The following ACADVL variants were observed in gnomAD, a reference collection of about 807,000 sequenced individuals.
The protein encoded by ACADVL is very long-chain acyl-CoA dehydrogenase, mitochondrial.
A neutral mutation model predicts 80.4 loss-of-function variants in ACADVL; 73 were observed. The ratio of observed to expected loss-of-function variants is 0.91; its 90% CI spans 0.75 to 1.10. ACADVL has a LOEUF of 1.10. Among genes scored for constraint, ACADVL ranks in the 50% least tolerant of loss-of-function variants. ACADVL has a pLI of 0.00. For synonymous variants in ACADVL, 392 were observed against 326.5 expected, an observed-to-expected ratio of 1.20 and a Z score of -2.16; for missense variants, 878 against 858.9, an observed-to-expected ratio of 1.02 and a Z score of -0.28.
Position 7,220,907 on chromosome 17 carries a change from T to C in ACADVL, c.343-17T>C. Reference sequence around the variant, plus strand: ...GCTCAAAAGGAGCCTGGATGTGGGATCCTGTGCCTTCCCCAGGAAGTGAAC... The same window carrying C: ...GCTCAAAAGGAGCCTGGATGTGGGACCCTGTGCCTTCCCCAGGAAGTGAAC... On this transcript the variant is annotated splice_polypyrimidine_tract_variant and intron_variant, in intron 5 of 19. Transcript: ENST00000356839. 6.2e-7 allele frequency: 1 copy of C among 1,614,052 alleles called. No homozygotes were observed. Among genetic ancestry groups the C allele is most frequent in the East Asian group, 2.2e-5 (1 of 44,878 alleles).
upstream of ACADVL, chr17:7,219,381 C>T: frequency 9.9e-7 from 1 of 1,012,344 alleles, no homozygotes; most frequent in Non-Finnish European, 1.2e-6. Flanking sequence ...AAGGGAGGGG[C>T]AGTGAATCTG....
chr17:7,224,761 T>C (rs1426201902), intron 18 of ACADVL, 47 bp downstream of exon 18: 1 of 1,613,296 alleles, frequency 6.2e-7, no homozygotes, highest in Non-Finnish European at 8.5e-7. Flanking sequence ...GGCCTGGGCC[T>C]GGATCCCAGC....
chr17:7,220,411 C>T (rs530515395), intron 2 of ACADVL, 53 bp from the exon 3 acceptor site: 4 of 1,611,520 alleles, frequency 2.5e-6, no homozygotes, highest in Middle Eastern at 1.7e-4. Flanking sequence ...CTGTTCTCCC[C>T]TTGACACAGC....
intron 11 of ACADVL, 73 bp downstream of exon 11, chr17:7,223,310 A>C (rs781086398): frequency 7.2e-7 from 1 of 1,380,316 alleles, no homozygotes; most frequent in Non-Finnish European, 1.0e-6. Context: ...TACAACCCCC[A>C]GCAGCACCTG....
At position 7,224,166 on chromosome 17, in the gene ACADVL, TG is replaced by T; in HGVS notation, c.1458del (p.Gly488AlafsTer4). The stretch of plus-strand genomic sequence containing the variant: ...CATAGGACAAAGGAAAGGAGCTCTC[TG>T]GGCTTGGCAGTGCTCTAAAGAATCC... ...GCMDKGKELS[G>X]LGSALKNPFG... On this transcript the variant is annotated frameshift_variant, in exon 15 of 20. Transcript: ENST00000356839. LOFTEE classifies it high-confidence loss of function. 6.2e-7 allele frequency: 1 copy of T among 1,614,158 alleles called. No homozygotes were observed. The highest frequency in any genetic ancestry group is 8.5e-7 in the Non-Finnish European group (1 of 1,180,028).
chr17:7,224,485 A>G lies in ACADVL; in HGVS notation c.1611A>G (p.Val537=), dbSNP rs753741922. The G allele has an allele frequency of 1.2e-6, 2 of 1,613,846 alleles. No individual in the cohort carries two copies. Among genetic ancestry groups the G allele is most frequent in the South Asian group, 1.1e-5 (1 of 91,072 alleles). The change falls in exon 17 of 20, where the codon GTA becomes GTG. Residue 537 remains valine (V), a synonymous_variant. Transcript: ENST00000356839. ...CACTGTCCCCATCTCTTAAGGCAGT[A>G]CGGGCTCTGGAGCAGTTTGCCACTG... ...PELSRSGELA[V]RALEQFATVV...
chr17:7,222,679 G>A lies in ACADVL; in HGVS notation c.891G>A (p.Glu297=). 1 of 1,613,814 alleles carries A rather than the reference G, an allele frequency of 6.2e-7. No homozygotes were observed. Among genetic ancestry groups the A allele is most frequent in the Non-Finnish European group, 8.5e-7 (1 of 1,179,858 alleles). ...TGCCCTGACACAGTGGGCCCCCTGA[G>A]AAGAAGATGGGCATCAAGGCTTCAA... ...GFGGITHGPP[E]KKMGIKASNT... is the part of the protein sequence containing the mutation. The change falls in exon 10 of 20, where the codon GAG becomes GAA. Residue 297 remains glutamate, a synonymous_variant. Coordinates refer to ENST00000356839, the MANE Select transcript of ACADVL (RefSeq NM_000018.4).
upstream of ACADVL, chr17:7,217,540 G>A (rs535410718): frequency 3.6e-5 from 25 of 686,634 alleles, no homozygotes; most frequent in African/African-American, 5.4e-4. Context: ...AGGGGCTAGG[G>A]GCCGTGGCGG....
rs1244500033 is a variant in ACADVL, at chr17:7,222,028, G to A, written c.699G>A (p.Val233=). The A allele has an allele frequency of 2.5e-6, 4 of 1,614,022 alleles. No individual in the cohort carries two copies. The highest frequency in any genetic ancestry group is 2.2e-5 in the East Asian group (1 of 44,884). ...CAGCCTCCATCCGAACCTCTGCTGT[G>A]CCCAGCCCCTGTGGAAAATACTATA... ...SDAASIRTSA[V]PSPCGKYYTL... Residue 233 remains valine (V), a synonymous_variant, in exon 8 of 20, where the codon GTG becomes GTA. Transcript: ENST00000356839.
chr17:7,218,186 C>G, upstream of ACADVL: 1 of 1,500,792 alleles, frequency 6.7e-7, no homozygotes, highest in South Asian at 1.2e-5. Flanking sequence ...TTTGGCTCAC[C>G]CCTCCAGCCC....
chr17:7,224,775 C>G, intron 18 of ACADVL, 34 bp from the exon 19 acceptor site: 1 of 1,613,848 alleles, frequency 6.2e-7, no homozygotes, highest in Non-Finnish European at 8.5e-7. Context: ...TCCCAGCCGG[C>G]CCAGATTTAT....
At chr17:7,221,755 T>TA (rs1359581978) in intron 7 of ACADVL, 73 bp downstream of exon 7, 3 of 1,608,520 alleles carry the variant, frequency 1.9e-6, no homozygotes, top group African/African-American at 1.3e-5. Flanking sequence ...AGTTGGCACT[T>TA]AGATTATCAG....
Position 7,224,413 on chromosome 17 carries a change from G to C in ACADVL, c.1605+20G>C, listed in dbSNP as rs758440252. ...GAGCTGGTAAGTGGCCAGGGGTCCA[G>C]GAGAGCCTGCATCAGGGACTGCAGC... On this transcript the variant is annotated intron_variant, in intron 16 of 19. Transcript: ENST00000356839. The C allele has an allele frequency of 6.2e-7, 1 of 1,613,804 alleles. No homozygotes were observed. The highest frequency in any genetic ancestry group is 2.2e-5 in the East Asian group (1 of 44,884).
upstream of ACADVL, chr17:7,219,504 T>C: frequency 9.4e-7 from 1 of 1,063,818 alleles, no homozygotes; most frequent in Non-Finnish European, 1.1e-6. Flanking sequence ...CCCCCACCAC[T>C]GTACCCTCCC....
rs890165294 is a variant in ACADVL at position 7,220,929 on chromosome 17, G to T, written c.348G>T (p.Val116=). ...VEPVSRFFEE[V]NDPAKNDALE... is the part of the protein sequence containing the mutation. Reference sequence around the variant, plus strand: ...GGATCCTGTGCCTTCCCCAGGAAGTGAACGATCCCGCCAAGAATGACGCTC... The same window carrying T: ...GGATCCTGTGCCTTCCCCAGGAAGTTAACGATCCCGCCAAGAATGACGCTC... Residue 116 remains valine, a synonymous_variant, in exon 6 of 20, where the codon GTG becomes GTT. Transcript: ENST00000356839. 1.2e-6 allele frequency: 2 copies of T among 1,614,092 alleles called. No individual in the cohort carries two copies. The highest frequency in any genetic ancestry group is 1.3e-5 in the African/African-American group (1 of 75,046).
intron 11 of ACADVL, 54 bp downstream of exon 11, chr17:7,223,291 G>A (rs544673520): frequency 1.8e-5 from 27 of 1,508,914 alleles, no homozygotes; most frequent in South Asian, 6.8e-5. Flanking sequence ...CTTCCCAGTC[G>A]GGTCAGACTA....
chr17:7,223,798 G>C lies in ACADVL; in HGVS notation c.1270-15G>C, dbSNP rs2071344110. On this transcript the variant is annotated splice_polypyrimidine_tract_variant and intron_variant, in intron 12 of 19. Transcript: ENST00000356839. ...TCAGCTCCCAAAACCAGTCTCATCT[G>C]TTCTTTGTCCCTAGGAGGCAGCCTG... The C allele has an allele frequency of 6.2e-7, 1 of 1,614,178 alleles. No individual in the cohort carries two copies. Among genetic ancestry groups the C allele is most frequent in the Non-Finnish European group, 8.5e-7 (1 of 1,180,028 alleles).
At position 7,224,005 on chromosome 17, in the gene ACADVL, T is replaced by C. The variant is rs1392710608; in HGVS notation, c.1370T>C (p.Ile457Thr). 9 of 1,614,164 alleles carry C rather than the reference T, an allele frequency of 5.6e-6. No homozygotes were observed. Among genetic ancestry groups the C allele is most frequent in the Non-Finnish European group, 7.6e-6 (9 of 1,180,024 alleles). Residue 457 changes from isoleucine (I) to threonine (T), a missense_variant, in exon 14 of 20, where the codon ATC becomes ACC. Physicochemically the swap from Ile to Thr is moderately conservative, Grantham distance 89 (BLOSUM62 -1). Transcript: ENST00000356839. Reference protein sequence around the residue: ...GVERVLRDLRIFRIFEGTNDI... With the variant: ...GVERVLRDLRTFRIFEGTNDI... ...GAGCGTGTGCTCCGAGATCTTCGCATCTTCCGGATCTTTGAGGGGACAAAT... is the reference window on the plus strand; with the variant it reads ...GAGCGTGTGCTCCGAGATCTTCGCACCTTCCGGATCTTTGAGGGGACAAAT...
chr17:7,221,966 G>A lies in ACADVL; in HGVS notation c.637G>A (p.Ala213Thr), dbSNP rs140629318. ...PKLASGETVA[A>T]FCLTEPSSGS... ...CTCCCCAACAGGGGAGACTGTGGCC[G>A]CTTTCTGTCTAACCGAGCCCTCAAG... The change falls in exon 8 of 20, where the codon GCT (alanine) becomes ACT (threonine). Residue 213 changes from alanine to threonine, a missense_variant. Physicochemically the swap from Ala to Thr is moderately conservative, Grantham distance 58. Transcript: ENST00000356839. 17 of 1,614,092 alleles carry A rather than the reference G, an allele frequency of 1.1e-5. No individual in the cohort carries two copies. The highest frequency in any genetic ancestry group is 3.3e-5 in the Admixed American group (2 of 60,016).
Sources: gnomAD v4.1 joint callset for allele counts on GRCh38, gnomAD v4.1.1 for gene constraint, MANE v1.5 for transcripts, NCBI Gene and HGNC (gene_info 2026-07-23, HGNC 2026-07-21) for gene names.